Variants in SLC35F3 observed in about 807,000 individuals in gnomAD.
SLC35F3 encodes the protein solute carrier family 35 member F3, also known as putative thiamine transporter SLC35F3.
A neutral mutation model predicts 49.9 loss-of-function variants in SLC35F3; 25 were observed. The observed-to-expected ratio is 0.50, with a 90% CI of 0.37 to 0.70. SLC35F3 has a LOEUF of 0.70. SLC35F3 is among the 30% of genes least tolerant of loss of function. SLC35F3 has a pLI of 0.00. For missense variants in SLC35F3, 525 were observed against 639.8 expected, an observed-to-expected ratio of 0.82 and a Z score of 1.94; for synonymous variants, 275 against 265.4, an observed-to-expected ratio of 1.04 and a Z score of -0.35.
chr1:234,149,173 A>G (rs1666036917), intron 2 of SLC35F3, among the ~76,000 whole-genome samples: 1 of 152,188 alleles, frequency 6.6e-6, no homozygotes, highest in African/African-American at 2.4e-5. Context: ...AAGTCCTGAC[A>G]CAGGGTTCCC....
At chr1:234,313,267 T>C (rs1414631907) in intron 4 of SLC35F3, among the ~76,000 whole-genome samples, 2 of 152,142 alleles carry the variant, frequency 1.3e-5, no homozygotes, top group Non-Finnish European at 2.9e-5. Context: ...TCCTCTCTCC[T>C]CTTTAAAGCT....
At chr1:233,954,928 C>G (rs190336254) in intron 2 of SLC35F3, among the ~76,000 whole-genome samples, 50 of 152,330 alleles carry the variant, frequency 3.3e-4, no homozygotes, top group African/African-American at 1.1e-3. Flanking sequence ...ACTGCAACCT[C>G]TGCTTCCCGG....
chr1:233,952,686 G>T (rs1453909589), intron 2 of SLC35F3, among the ~76,000 whole-genome samples: 5 of 152,060 alleles, frequency 3.3e-5, no homozygotes, highest in Admixed American at 3.3e-4. Context: ...TGCAGCTCAG[G>T]ATATGCCTGT....
At position 234,278,276 on chromosome 1, in the gene SLC35F3, G is replaced by A. The variant is rs138944288; in HGVS notation, c.609-30825G>A. The stretch of plus-strand genomic sequence containing the variant: ...GAGGCCAAGGCTGGTGACCACCTGA[G>A]GTCAGGATTTTGAGACCAGCCTGGC... On this transcript the variant is annotated intron_variant, in intron 3 of 7. Transcript: ENST00000366618. 2.0e-5 allele frequency among the ~76,000 whole-genome samples: 3 copies of A among 152,280 alleles called. No homozygotes were observed. The East Asian group carries it at 5.8e-4, about 29-fold the overall frequency.
chr1:234,093,181 G>A (rs756670274), intron 2 of SLC35F3, among the ~76,000 whole-genome samples: 9 of 152,190 alleles, frequency 5.9e-5, no homozygotes, highest in Non-Finnish European at 1.2e-4. Context: ...CCATGAGAAT[G>A]TGCAGGACAA....
chr1:234,210,573 G>A (rs1313344057), intron 2 of SLC35F3, among the ~76,000 whole-genome samples: 1 of 152,202 alleles, frequency 6.6e-6, no homozygotes, highest in Non-Finnish European at 1.5e-5. Context: ...GGTGACTCTT[G>A]GCATTTTGCC....
chr1:234,230,691 A>G (rs563322051), intron 2 of SLC35F3, among the ~76,000 whole-genome samples: 1 of 152,348 alleles, frequency 6.6e-6, no homozygotes, highest in South Asian at 2.1e-4. Flanking sequence ...TCCAGAAATC[A>G]CACCGCTCTA....
At chr1:233,967,209 A>C (rs1237685653) in intron 2 of SLC35F3, among the ~76,000 whole-genome samples, 2 of 152,182 alleles carry the variant, frequency 1.3e-5, no homozygotes, top group East Asian at 3.8e-4. Flanking sequence ...TTTTATCTGC[A>C]GTCCTATCAT....
intron 2 of SLC35F3, among the ~76,000 whole-genome samples, chr1:234,182,497 A>G (rs1666573900): frequency 6.6e-6 from 1 of 152,130 alleles, no homozygotes; most frequent in Admixed American, 6.6e-5. Flanking sequence ...TGGTTTGTTC[A>G]CCTTCTCCTA....
chr1:234,132,981 G>A (rs1446817874), intron 2 of SLC35F3, among the ~76,000 whole-genome samples: 3 of 152,204 alleles, frequency 2.0e-5, no homozygotes, highest in Non-Finnish European at 4.4e-5. Context: ...GATGAGGTAA[G>A]CAACTATTAT....
chr1:233,961,890 A>C (rs1315964915), intron 2 of SLC35F3, among the ~76,000 whole-genome samples: 2 of 152,210 alleles, frequency 1.3e-5, no homozygotes, highest in African/African-American at 4.8e-5. Flanking sequence ...CTTAACCCAG[A>C]ACAGTGGGCA....
chr1:234,216,584 C>T (rs1487831974), intron 2 of SLC35F3, among the ~76,000 whole-genome samples: 1 of 152,220 alleles, frequency 6.6e-6, no homozygotes, highest in African/African-American at 2.4e-5. Flanking sequence ...CCTGCTAACG[C>T]CAGCAGCTGC....
chr1:234,056,968 A>G (rs1439464786), intron 2 of SLC35F3, among the ~76,000 whole-genome samples: 2 of 152,248 alleles, frequency 1.3e-5, no homozygotes, highest in African/African-American at 2.4e-5. Flanking sequence ...TCAGTTAACC[A>G]TAGATGTATG....
At chr1:234,003,940 A>C (rs938313305) in intron 2 of SLC35F3, among the ~76,000 whole-genome samples, 1 of 152,192 alleles carries the variant, frequency 6.6e-6, no homozygotes, top group Non-Finnish European at 1.5e-5. Flanking sequence ...AGAATTTAGC[A>C]GTGTGATAAT....
intron 2 of SLC35F3, among the ~76,000 whole-genome samples, chr1:233,974,890 G>A (rs1006782311): frequency 2.0e-5 from 3 of 152,210 alleles, no homozygotes; most frequent in South Asian, 2.1e-4. Context: ...ACCACATAAC[G>A]TAATGTTGGA....
intron 2 of SLC35F3, among the ~76,000 whole-genome samples, chr1:234,208,858 A>G (rs374123750): frequency 6.6e-6 from 1 of 152,214 alleles, no homozygotes; most frequent in South Asian, 2.1e-4. Flanking sequence ...CATATCAATG[A>G]AAAACAAACA....
At chr1:234,178,405 T>C (rs958039307) in intron 2 of SLC35F3, among the ~76,000 whole-genome samples, 6 of 151,700 alleles carry the variant, frequency 4.0e-5, no homozygotes, top group African/African-American at 1.5e-4. Context: ...GTTTCTCTCA[T>C]TGACCTTCTC....
chr1:234,108,363 TGATATATATTATTTATATATATAA>T (rs1470633419), intron 2 of SLC35F3, among the ~76,000 whole-genome samples: 27 of 104,148 alleles, frequency 2.6e-4, no homozygotes, highest in South Asian at 2.0e-3. Context: ...TTTATATATA[TGATATATATTATTTATATATATAA>T]AAGATATATA....
chr1:234,295,391 GC>G (rs1668575546), intron 3 of SLC35F3, among the ~76,000 whole-genome samples: 1 of 152,210 alleles, frequency 6.6e-6, no homozygotes. Flanking sequence ...TTGCCATTCT[GC>G]CCACGGATGT....
Sources: allele counts gnomAD v4.1 joint callset (sites outside exome capture counted in the v4.1 genomes callset), GRCh38; gene constraint gnomAD v4.1.1; transcripts MANE v1.5; gene names NCBI Gene and HGNC (gene_info 2026-07-23, HGNC 2026-07-21).